The following PMS1 variants were observed in gnomAD, a reference collection of about 807,000 sequenced individuals.
PMS1 encodes the protein PMS1 protein homolog 1.
PMS1 carries 79 observed loss-of-function variants against 93.1 expected under a neutral mutation model. That is an observed-to-expected ratio of 0.85 (90% CI 0.71 to 1.02). The LOEUF is 1.02. PMS1 is among the 50% of genes least tolerant of loss of function. The probability of loss-of-function intolerance (pLI) is 0.00; values close to 1 mark genes in which losing one functional copy is unlikely to be tolerated. For missense variants in PMS1, 1,064 were observed against 1,085.3 expected, an observed-to-expected ratio of 0.98 and a Z score of 0.28; for synonymous variants, 335 against 363.4, an observed-to-expected ratio of 0.92 and a Z score of 0.89.
chr2:189,811,488 A>T (rs2050843179), intron 4 of PMS1, among the ~76,000 whole-genome samples: 1 of 152,116 alleles, frequency 6.6e-6, no homozygotes, highest in Admixed American at 6.5e-5. Flanking sequence ...CTGGCTACTT[A>T]GGTGGCTGAG....
At chr2:189,858,103 T>C in intron 9 of PMS1, among the ~76,000 whole-genome samples, 1 of 152,158 alleles carries the variant, frequency 6.6e-6, no homozygotes, top group South Asian at 2.1e-4. Flanking sequence ...TTGTTCAGTT[T>C]TCTGATGAGA....
At chr2:189,822,020 C>T (rs927197978) in intron 5 of PMS1, among the ~76,000 whole-genome samples, 8 of 152,122 alleles carry the variant, frequency 5.3e-5, no homozygotes, top group African/African-American at 1.9e-4. Flanking sequence ...GCAGGCGCCC[C>T]GCCACTCGCT....
At chr2:189,813,572 A>G (rs1034910866) in intron 4 of PMS1, among the ~76,000 whole-genome samples, 1 of 152,236 alleles carries the variant, frequency 6.6e-6, no homozygotes, top group Non-Finnish European at 1.5e-5. Flanking sequence ...AATATTAATA[A>G]TTCATGTGTT....
chr2:189,855,560 C>T (rs1317030715), intron 9 of PMS1, among the ~76,000 whole-genome samples: 1 of 151,582 alleles, frequency 6.6e-6, no homozygotes, highest in Non-Finnish European at 1.5e-5. Flanking sequence ...TTAAATTGGT[C>T]TCCAAAATAT....
chr2:189,832,776 G>A (rs2053065597), intron 5 of PMS1, among the ~76,000 whole-genome samples: 1 of 152,146 alleles, frequency 6.6e-6, no homozygotes, highest in Admixed American at 6.5e-5. Context: ...AGAGAAGAGA[G>A]CTTCAAATAT....
chr2:189,803,297 G>A (rs572012399), intron 3 of PMS1, among the ~76,000 whole-genome samples: 7 of 152,160 alleles, frequency 4.6e-5, no homozygotes, highest in African/African-American at 1.7e-4. Context: ...GAAAAACTAT[G>A]TTTATCTGAA....
At chr2:189,815,138 TGAAA>T (rs1057082244) in intron 4 of PMS1, among the ~76,000 whole-genome samples, 4 of 150,824 alleles carry the variant, frequency 2.7e-5, no homozygotes, top group Non-Finnish European at 5.9e-5. Flanking sequence ...AGCTGAGATC[TGAAA>T]GAGTTAGCTG....
At chr2:189,824,052 C>CTA (rs1203477985) in intron 5 of PMS1, among the ~76,000 whole-genome samples, 4 of 152,068 alleles carry the variant, frequency 2.6e-5, no homozygotes, top group Admixed American at 2.6e-4. Context: ...TAAAAAGTAC[C>CTA]ACTTGTCTTA....
At chr2:189,826,140 C>T (rs1033781933) in intron 5 of PMS1, among the ~76,000 whole-genome samples, 52 of 152,186 alleles carry the variant, frequency 3.4e-4, no homozygotes, top group African/African-American at 1.2e-3. Context: ...TTGAATGTCC[C>T]AGGTTTGTTT....
chr2:189,809,615 G>A (rs2050661450), intron 4 of PMS1, among the ~76,000 whole-genome samples: 1 of 152,038 alleles, frequency 6.6e-6, no homozygotes, highest in African/African-American at 2.4e-5. Context: ...GGAGGCCAAG[G>A]CAGGCAGATC....
intron 3 of PMS1, among the ~76,000 whole-genome samples, chr2:189,797,785 A>G (rs1316575004): frequency 2.6e-5 from 4 of 152,080 alleles, no homozygotes; most frequent in Admixed American, 1.3e-4. Context: ...GAATAATGAT[A>G]TATTCTCTAG....
chr2:189,800,867 T>C (rs887429137), intron 3 of PMS1, among the ~76,000 whole-genome samples: 14 of 152,224 alleles, frequency 9.2e-5, no homozygotes, highest in Non-Finnish European at 1.0e-4. Context: ...AGTTAGACTT[T>C]CAGCAAAATT....
chr2:189,810,749 C>CA (rs2050770736), intron 4 of PMS1, among the ~76,000 whole-genome samples: 1 of 152,186 alleles, frequency 6.6e-6, no homozygotes, highest in South Asian at 2.1e-4. Flanking sequence ...AGGTTCAACT[C>CA]AGATAAACTC....
At chr2:189,842,922 G>C (rs536212101) in intron 5 of PMS1, among the ~76,000 whole-genome samples, 9 of 147,544 alleles carry the variant, frequency 6.1e-5, no homozygotes, top group Non-Finnish European at 1.2e-4. Context: ...CTCTGGGCCT[G>C]ATAATTTAAA....
At chr2:189,794,809 G>T (rs1374606909) in intron 2 of PMS1, among the ~76,000 whole-genome samples, 2 of 152,084 alleles carry the variant, frequency 1.3e-5, no homozygotes, top group Non-Finnish European at 2.9e-5. Flanking sequence ...ATTTTGAAAA[G>T]ATTTTCATCT....
Position 189,791,865 on chromosome 2 carries a change from C to G in PMS1, c.56C>G (p.Thr19Ser), listed in dbSNP as rs534847551. 1 of 1,613,794 alleles carries G rather than the reference C, an allele frequency of 6.2e-7. No homozygotes were observed. The highest frequency in any genetic ancestry group is 2.2e-5 in the East Asian group (1 of 44,868). ...CTCCTTTCAAGTTCTCAGATCATCA[C>G]TTCGGTGGTCAGTGTTGTAAAAGAG... ...VRLLSSSQII[T>S]SVVSVVKELI... is the part of the protein sequence containing the mutation. The change falls in exon 2 of 13, where the codon ACT (threonine) becomes AGT (serine). Residue 19 changes from threonine (T) to serine (S), a missense_variant. Coordinates refer to ENST00000441310, the MANE Select transcript of PMS1 (RefSeq NM_000534.5).
chr2:189,851,677 A>C (rs147114484), intron 6 of PMS1, among the ~76,000 whole-genome samples: 2 of 152,172 alleles, frequency 1.3e-5, no homozygotes, highest in Non-Finnish European at 2.9e-5. Flanking sequence ...TAAAAATAGT[A>C]CCCCCAGTGA....
At chr2:189,876,250 G>A (rs1480905005) in intron 12 of PMS1, among the ~76,000 whole-genome samples, 1 of 152,082 alleles carries the variant, frequency 6.6e-6, no homozygotes, top group Admixed American at 6.6e-5. Context: ...GGTAATTTTA[G>A]TACAGTAACA....
At chr2:189,865,171 T>C (rs2056535209) in intron 10 of PMS1, among the ~76,000 whole-genome samples, 1 of 152,086 alleles carries the variant, frequency 6.6e-6, no homozygotes, top group Non-Finnish European at 1.5e-5. Context: ...CCTCATTATC[T>C]CAAAATACCT....
Sources: allele counts gnomAD v4.1 joint callset (sites outside exome capture counted in the v4.1 genomes callset), GRCh38; gene constraint gnomAD v4.1.1; transcripts MANE v1.5; gene names NCBI Gene and HGNC (gene_info 2026-07-23, HGNC 2026-07-21).